TBC1D13: variants seen among roughly 807,000 people sequenced by gnomAD.
TBC1D13 encodes the protein TBC1 domain family member 13.
In TBC1D13, 40 loss-of-function variants were observed where a neutral mutation model predicts 53.6. The ratio of observed to expected loss-of-function variants is 0.75; its 90% CI spans 0.58 to 0.97. TBC1D13 has a LOEUF of 0.97. Ranked by LOEUF, TBC1D13 falls within the 50% of genes least tolerant of loss-of-function variation. The probability of loss-of-function intolerance (pLI) is 0.00; values close to 1 mark genes in which losing one functional copy is unlikely to be tolerated. For synonymous variants in TBC1D13, 182 were observed against 197.7 expected (o/e 0.92, Z 0.67); for missense variants, 377 against 499.4 (o/e 0.75, Z 2.34).
intron 1 of TBC1D13, 67 bp from the exon 2 acceptor site, chr9:128,788,267 T>G: frequency 2.1e-6 from 3 of 1,429,704 alleles, no homozygotes; most frequent in Non-Finnish European, 3.0e-6. Context: ...GTGAGGGAGC[T>G]GAGGGCTGTG....
intron 7 of TBC1D13, among the ~76,000 whole-genome samples, chr9:128,800,083 T>C (rs1412747278): frequency 1.3e-5 from 2 of 152,232 alleles, no homozygotes; most frequent in Non-Finnish European, 2.9e-5. Context: ...TGTGTGAACA[T>C]CCCTGCATGT....
chr9:128,802,895 C>T (rs779896334), intron 7 of TBC1D13, among the ~76,000 whole-genome samples: 2 of 151,942 alleles, frequency 1.3e-5, no homozygotes, highest in East Asian at 1.9e-4. Context: ...CCTTCACACT[C>T]GGCTAACATT....
chr9:128,787,469 A>C, intron 1 of TBC1D13, 93 bp downstream of exon 1: 1 of 1,202,398 alleles, frequency 8.3e-7, no homozygotes, highest in Non-Finnish European at 1.1e-6. Flanking sequence ...TGTGGCCAGG[A>C]ATCGGCAGAC....
chr9:128,791,478 T>C, intron 4 of TBC1D13, 37 bp downstream of exon 4: 1 of 1,612,822 alleles, frequency 6.2e-7, no homozygotes, highest in Non-Finnish European at 8.5e-7. Context: ...AGGAGGGCCC[T>C]TGCATGTGAC....
chr9:128,808,182 T>G lies in TBC1D13; in HGVS notation c.*303T>G. The G allele has an allele frequency of 2.5e-6, 1 of 399,096 alleles. No homozygotes were observed. The highest frequency in any genetic ancestry group is 4.7e-6 in the Non-Finnish European group (1 of 211,344). 24.7% of individuals were successfully genotyped at this position (399,096 alleles called of 1,614,324 possible). On this transcript the variant is annotated 3_prime_UTR_variant, in exon 12 of 12. Coordinates refer to ENST00000372648, the MANE Select transcript of TBC1D13 (RefSeq NM_018201.5). The stretch of plus-strand genomic sequence containing the variant: ...TGGGAGGCTGGCAGGGGCCCCTCCC[T>G]GCCTCGGCTCTGCCGCCCCAGCCTC...
intron 11 of TBC1D13, among the ~76,000 whole-genome samples, chr9:128,807,495 C>T (rs1408007235): frequency 1.3e-5 from 2 of 152,198 alleles, no homozygotes; most frequent in African/African-American, 4.8e-5. Context: ...GACACTGGCC[C>T]AGTCCTACTG....
At chr9:128,806,383 C>T in intron 11 of TBC1D13, 72 bp downstream of exon 11, 1 of 1,570,510 alleles carries the variant, frequency 6.4e-7, no homozygotes, top group Non-Finnish European at 8.8e-7. Context: ...CCCACGCCAG[C>T]TGCTGCGACA....
chr9:128,791,853 T>TG (rs1232329271), intron 5 of TBC1D13, among the ~76,000 whole-genome samples, 160 bp downstream of exon 5: 2 of 152,126 alleles, frequency 1.3e-5, no homozygotes, highest in African/African-American at 4.8e-5. Flanking sequence ...TCACTAAGCT[T>TG]GGGGGCCCTG....
At chr9:128,796,093 T>C (rs913276407) in intron 6 of TBC1D13, among the ~76,000 whole-genome samples, 1 of 152,128 alleles carries the variant, frequency 6.6e-6, no homozygotes, top group Non-Finnish European at 1.5e-5. Context: ...GTTGTTGTTA[T>C]TATTATTTTT....
At chr9:128,806,369 C>T in intron 11 of TBC1D13, 58 bp downstream of exon 11, 12 of 1,596,834 alleles carry the variant, frequency 7.5e-6, no homozygotes, top group Non-Finnish European at 9.4e-6. Context: ...TCGCCAGGCA[C>T]CTGCCCACGC....
At position 128,806,025 on chromosome 9, in the gene TBC1D13, T is replaced by C; in HGVS notation, c.1079+6T>C. The C allele has an allele frequency of 6.2e-7, 1 of 1,613,422 alleles. No homozygotes were observed. The highest frequency in any genetic ancestry group is 1.3e-5 in the African/African-American group (1 of 75,038). ...GTCTGCTGCGCCATGCTCATGTGAG[T>C]GCGGGCATGAGCTGTCATCAGCTCA... On this transcript the variant is annotated splice_donor_region_variant and intron_variant, in intron 10 of 11. Transcript: ENST00000372648.
rs41312208 is a variant in TBC1D13, at chr9:128,803,588, C to T, written c.754+128C>T. On this transcript the variant is annotated intron_variant, in intron 8 of 11. Coordinates refer to ENST00000372648, the MANE Select transcript of TBC1D13 (RefSeq NM_018201.5). ...AGTTGGCCTGGATCATCTCTGAGAT[C>T]CTTTGCAGCTGTGATCTTCTAGAAT... 6.4e-3 allele frequency: 5,314 copies of T among 833,768 alleles called. 30 individuals are homozygous for T. Among genetic ancestry groups the T allele is most frequent in the Middle Eastern group, 0.019 (54 of 2,776 alleles). 51.6% of individuals were successfully genotyped at this position (833,768 alleles called of 1,614,324 possible). A position where few individuals can be genotyped will look rare whatever the true frequency, so the allele number is the denominator to read the frequency against.
At chr9:128,804,729 T>G (rs1829798266) in intron 9 of TBC1D13, among the ~76,000 whole-genome samples, 1 of 98,044 alleles carries the variant, frequency 1.0e-5, no homozygotes. Context: ...TGTTTTTTTT[T>G]TTTTTTTTTT....
chr9:128,801,150 T>C (rs530161828), intron 7 of TBC1D13, among the ~76,000 whole-genome samples: 6 of 152,052 alleles, frequency 3.9e-5, no homozygotes, highest in Non-Finnish European at 4.4e-5. Context: ...CCAGCCTGGG[T>C]GACAGAGCAA....
intron 9 of TBC1D13, among the ~76,000 whole-genome samples, chr9:128,805,319 AGACCTC>A (rs1463957480): frequency 2.0e-4 from 31 of 152,172 alleles, no homozygotes; most frequent in African/African-American, 7.2e-4. Flanking sequence ...CAATATAGCG[AGACCTC>A]ATCTCTAAAA....
intron 11 of TBC1D13, among the ~76,000 whole-genome samples, chr9:128,807,033 A>G (rs1438684563): frequency 1.3e-5 from 2 of 151,680 alleles, no homozygotes; most frequent in South Asian, 2.1e-4. Flanking sequence ...GCCAAGTTAC[A>G]GCATCTCTGG....
In TBC1D13 at chr9:128,804,753, ACT is replaced by A. The variant is rs1355957114; in HGVS notation, c.918+644_918+645del. Among the ~76,000 whole-genome samples, 4 of 70,402 alleles carry A rather than the reference ACT, an allele frequency of 5.7e-5. No homozygotes were observed. In the South Asian group the frequency reaches 1.5e-3, roughly 27 times the overall value. The allele number at this position is 70,402 out of a possible 152,430, so 46.2% of individuals were successfully genotyped here. ...TTTTTTTTTTTTTTTTTTGAGAAGG[ACT>A]CTCTCTCTCAGAGGCCAGGTTGGAG... On this transcript the variant is annotated intron_variant, in intron 9 of 11. Coordinates refer to ENST00000372648, the MANE Select transcript of TBC1D13 (RefSeq NM_018201.5).
intron 8 of TBC1D13, 79 bp downstream of exon 8, chr9:128,803,539 C>CT: frequency 7.4e-7 from 1 of 1,355,184 alleles, no homozygotes; most frequent in South Asian, 1.2e-5. Context: ...TCTCGGGCCT[C>CT]TGTTCTCCCT....
chr9:128,804,507 T>C (rs192326535), intron 9 of TBC1D13, among the ~76,000 whole-genome samples: 1,676 of 147,010 alleles, frequency 0.011, 17 homozygotes, highest in Non-Finnish European at 0.016. Flanking sequence ...CCCAGGTTCA[T>C]GCCATTCTCC....
Sources: allele counts gnomAD v4.1 joint callset (sites outside exome capture counted in the v4.1 genomes callset), GRCh38; gene constraint gnomAD v4.1.1; transcripts MANE v1.5; gene names NCBI Gene and HGNC (gene_info 2026-07-23, HGNC 2026-07-21).